The following GATA4 variants were observed in gnomAD, a reference collection of about 807,000 sequenced individuals.
GATA4 encodes the protein GATA binding protein 4, also known as transcription factor GATA-4.
GATA4 carries 7 observed loss-of-function variants against 37.9 expected under a neutral mutation model. That is an observed-to-expected ratio of 0.18 (90% CI 0.11 to 0.35). GATA4 has a LOEUF of 0.35. Among genes scored for constraint, GATA4 ranks in the 10% least tolerant of loss-of-function variants. The pLI is 1.00. For synonymous variants in GATA4, 372 were observed against 292.6 expected (o/e 1.27, Z -2.77); for missense variants, 647 against 653.0 (o/e 0.99, Z 0.10).
intron 5 of GATA4, 162 bp from the exon 6 acceptor site, chr8:11,756,773 C>T: frequency 2.2e-6 from 2 of 905,162 alleles, no homozygotes; most frequent in Non-Finnish European, 3.6e-6. Flanking sequence ...GAAGCCATCC[C>T]TGTGAGAACT....
In GATA4 at chr8:11,708,014, G is replaced by A. The variant is rs1270258320; in HGVS notation, c.-299G>A. The A allele has an allele frequency of 4.5e-6, 2 of 441,552 alleles. No individual in the cohort carries two copies. Among genetic ancestry groups the A allele is most frequent in the Middle Eastern group, 6.9e-4 (1 of 1,456 alleles). The allele number at this position is 441,552 out of a possible 1,614,324, so 27.4% of individuals were successfully genotyped here. On this transcript the variant is annotated 5_prime_UTR_variant, in exon 2 of 7. Transcript: ENST00000532059. This position sits in a 1 kb window ranked among gnomAD's most constrained non-coding sequence, Gnocchi z 6.7. Reference sequence around the variant, plus strand: ...TGCCCTCCGTCTTCTGCCCCCAATAGGTGCGCCGGACCTTCAGGCCCTGGG... The same window carrying A: ...TGCCCTCCGTCTTCTGCCCCCAATAAGTGCGCCGGACCTTCAGGCCCTGGG...
At chr8:11,722,611 A>C (rs1005368803) in intron 2 of GATA4, among the ~76,000 whole-genome samples, 4 of 152,192 alleles carry the variant, frequency 2.6e-5, no homozygotes, top group African/African-American at 9.7e-5. Flanking sequence ...TTTGCTAAAG[A>C]AATGAGGCTT....
At chr8:11,690,338 T>A (rs1327966464), upstream of GATA4, among the ~76,000 whole-genome samples, 1 of 152,214 alleles carries the variant, frequency 6.6e-6, no homozygotes, top group African/African-American at 2.4e-5. Flanking sequence ...AAAATTCAAT[T>A]CAGCAAACTT....
chr8:11,706,506 C>T (rs546044059), intron 1 of GATA4, among the ~76,000 whole-genome samples: 1 of 152,300 alleles, frequency 6.6e-6, no homozygotes, highest in African/African-American at 2.4e-5. Context: ...CACGATGACT[C>T]TACAAAATAA....
intron 2 of GATA4, among the ~76,000 whole-genome samples, chr8:11,710,633 T>A (rs2130085994): frequency 8.4e-6 from 1 of 119,392 alleles, no homozygotes; most frequent in East Asian, 2.7e-4. Flanking sequence ...GAAGTTGCAG[T>A]GAGCCGAGAT....
intron 2 of GATA4, among the ~76,000 whole-genome samples, chr8:11,737,345 C>T (rs1801512379): frequency 6.6e-6 from 1 of 152,214 alleles, no homozygotes; most frequent in South Asian, 2.1e-4. Context: ...TTGTTTCCTC[C>T]TGACGGCAGG....
chr8:11,680,643 T>G, intron 1 of GATA4: 2 of 985,092 alleles, frequency 2.0e-6, no homozygotes, highest in Non-Finnish European at 2.4e-6. Flanking sequence ...CTGGCGCTGC[T>G]GGGAACGTGT....
upstream of GATA4, among the ~76,000 whole-genome samples, chr8:11,687,985 G>A (rs1209392338): frequency 6.6e-5 from 10 of 152,242 alleles, no homozygotes; most frequent in Non-Finnish European, 8.8e-5. Flanking sequence ...CTTCTACCAA[G>A]CCCATTTTTA....
chr8:11,683,015 G>C, intron 1 of GATA4: 1 of 970,448 alleles, frequency 1.0e-6, no homozygotes, highest in Non-Finnish European at 1.2e-6. Flanking sequence ...TCTTGAGGTG[G>C]AAACAGCCTC....
At chr8:11,718,192 C>T (rs989110646) in intron 2 of GATA4, among the ~76,000 whole-genome samples, 9 of 152,158 alleles carry the variant, frequency 5.9e-5, no homozygotes, top group South Asian at 2.1e-4. Flanking sequence ...GGAAAAGCCC[C>T]GTGGAATTGG....
chr8:11,758,479 T>C lies in GATA4; in HGVS notation c.*4T>C, dbSNP rs573202801. On this transcript the variant is annotated 3_prime_UTR_variant, in exon 7 of 7. Coordinates refer to ENST00000532059, the MANE Select transcript of GATA4 (RefSeq NM_001308093.3). ...CGGGGACATAATCACTGCGTAATCT[T>C]CCCTCTTCCCTCCTCAAATTCCTGC... 14 of 1,613,952 alleles carry C rather than the reference T, an allele frequency of 8.7e-6. 1 individual carries two copies. In the South Asian group the frequency reaches 1.1e-4, roughly 13 times the overall value.
At chr8:11,702,568 A>T (rs1355746369), upstream of GATA4, among the ~76,000 whole-genome samples, 1 of 149,816 alleles carries the variant, frequency 6.7e-6, no homozygotes, top group African/African-American at 2.5e-5. The surrounding 1 kb of genome is among the most constrained non-coding windows in gnomAD (Gnocchi z 4.4). Flanking sequence ...CGTGCTCCGG[A>T]GACCGCTTTT....
chr8:11,685,731 T>C (rs1799114069), intron 1 of GATA4, among the ~76,000 whole-genome samples: 1 of 152,236 alleles, frequency 6.6e-6, no homozygotes, highest in African/African-American at 2.4e-5. Flanking sequence ...GTTTCTGAAA[T>C]TGAAAACAAT....
At chr8:11,738,450 A>G (rs1801566702) in intron 2 of GATA4, among the ~76,000 whole-genome samples, 1 of 152,210 alleles carries the variant, frequency 6.6e-6, no homozygotes, top group Non-Finnish European at 1.5e-5. Context: ...AATATTTCAT[A>G]GCATATACTG....
chr8:11,749,152 C>G lies in GATA4; in HGVS notation c.786+67C>G, dbSNP rs897838167. 3.2e-6 allele frequency: 5 copies of G among 1,542,570 alleles called. No individual in the cohort carries two copies. In the African/African-American group the frequency reaches 6.8e-5, roughly 21 times the overall value. On this transcript the variant is annotated intron_variant, in intron 3 of 6. Coordinates refer to ENST00000532059, the MANE Select transcript of GATA4 (RefSeq NM_001308093.3). The surrounding 1 kb of genome is among the most constrained non-coding windows in gnomAD (Gnocchi z 4.6). ...GGAGCTCTCGCCTTGGTGGGACATC[C>G]TCTGGTTTTGAATTTTGGAACTTGA...
At chr8:11,742,308 A>G (rs1801779007) in intron 2 of GATA4, among the ~76,000 whole-genome samples, 1 of 150,382 alleles carries the variant, frequency 6.6e-6, no homozygotes, top group Non-Finnish European at 1.5e-5. Flanking sequence ...ATTTTCCCCT[A>G]TCATTTGTTC....
chr8:11,755,109 C>T lies in GATA4; in HGVS notation c.976C>T (p.Leu326=). The T allele has an allele frequency of 6.2e-7, 1 of 1,614,040 alleles. No individual in the cohort carries two copies. Among genetic ancestry groups the T allele is most frequent in the Non-Finnish European group, 8.5e-7 (1 of 1,179,920 alleles). ...IQTRKRKPKN[L]NKSKTPAAPS... ...AACCAGAAAACGGAAGCCCAAGAAC[C>T]TGAATAAATCTAAGACACCAGCAGG... Residue 326 remains leucine, a synonymous_variant, in exon 5 of 7, where the codon CTG becomes TTG. Coordinates refer to ENST00000532059, the MANE Select transcript of GATA4 (RefSeq NM_001308093.3).
At chr8:11,710,091 C>T (rs918950423) in intron 2 of GATA4, among the ~76,000 whole-genome samples, 1 of 152,304 alleles carries the variant, frequency 6.6e-6, no homozygotes, top group Admixed American at 6.5e-5. Context: ...GGGCTGGCTC[C>T]GAGAAGGGCC....
intron 1 of GATA4, chr8:11,681,393 T>G: frequency 3.0e-6 from 3 of 984,814 alleles, no homozygotes; most frequent in Non-Finnish European, 3.6e-6. Context: ...TGGCAGACCC[T>G]TCCGGGATCA....
Sources: gnomAD v4.1 joint callset for allele counts (sites outside exome capture counted in the v4.1 genomes callset) on GRCh38, gnomAD v4.1.1 for gene constraint, Gnocchi (gnomAD v3.1) non-coding constraint, MANE v1.5 for transcripts, NCBI Gene and HGNC (gene_info 2026-07-23, HGNC 2026-07-21) for gene names.